ARFGEF2: variants seen among roughly 807,000 people sequenced by gnomAD.
The protein encoded by ARFGEF2 is ARF guanine nucleotide exchange factor 2, also known as brefeldin A-inhibited guanine nucleotide-exchange protein 2.
A neutral mutation model predicts 219.9 loss-of-function variants in ARFGEF2; 74 were observed. The observed-to-expected ratio is 0.34, with a 90% CI of 0.28 to 0.41. The LOEUF (loss-of-function observed/expected upper bound fraction) is 0.41, where lower values mean the gene tolerates loss of function less well. Ranked by LOEUF, ARFGEF2 falls within the 10% of genes least tolerant of loss-of-function variation. The pLI, the probability that ARFGEF2 is intolerant of heterozygous loss-of-function variation, is 1.00. For missense variants in ARFGEF2, 1,743 were observed against 2,218.3 expected, an observed-to-expected ratio of 0.79 and a Z score of 4.30; for synonymous variants, 733 against 799.2, an observed-to-expected ratio of 0.92 and a Z score of 1.40.
chr20:49,029,902 A>ATTTT (rs3092436), intron 37 of ARFGEF2, among the ~76,000 whole-genome samples: 1 of 97,788 alleles, frequency 1.0e-5, no homozygotes, highest in Non-Finnish European at 2.0e-5. Context: ...CTAAAAGTGA[A>ATTTT]TTTTTTTTTT....
chr20:48,927,041 G>A (rs1238209988), intron 1 of ARFGEF2, among the ~76,000 whole-genome samples: 4 of 152,216 alleles, frequency 2.6e-5, no homozygotes, highest in Admixed American at 2.0e-4. Flanking sequence ...CGTGGGAGGT[G>A]AGGAAACAGA....
chr20:49,005,319 T>G, intron 26 of ARFGEF2, 98 bp downstream of exon 26: 1 of 1,439,314 alleles, frequency 6.9e-7, no homozygotes, highest in South Asian at 1.2e-5. Context: ...TTTTCCTCCC[T>G]TGTCAGTGGA....
intron 23 of ARFGEF2, among the ~76,000 whole-genome samples, chr20:48,997,393 C>T (rs1359501033): frequency 3.3e-5 from 5 of 152,138 alleles, no homozygotes; most frequent in East Asian, 1.9e-4. Flanking sequence ...CTGCCTCAGC[C>T]GCCCAAGTAG....
chr20:48,922,627 A>T (rs549716361), intron 1 of ARFGEF2, among the ~76,000 whole-genome samples: 21 of 152,340 alleles, frequency 1.4e-4, no homozygotes, highest in Non-Finnish European at 2.5e-4. Flanking sequence ...TGACTTATTC[A>T]TTGCTGTATC....
At chr20:49,008,776 C>T (rs538228171) in intron 26 of ARFGEF2, among the ~76,000 whole-genome samples, 68 of 141,524 alleles carry the variant, frequency 4.8e-4, no homozygotes, top group African/African-American at 1.7e-3. Flanking sequence ...GGTGCAATCT[C>T]GGCTCACTAC....
intron 1 of ARFGEF2, among the ~76,000 whole-genome samples, chr20:48,929,229 C>T (rs559878082): frequency 1.3e-5 from 2 of 152,152 alleles, no homozygotes; most frequent in Non-Finnish European, 2.9e-5. Context: ...TGTTTAGTGC[C>T]TTGGGTGTAA....
chr20:49,023,296 T>G, intron 35 of ARFGEF2, 115 bp downstream of exon 35: 2 of 1,384,948 alleles, frequency 1.4e-6, no homozygotes, highest in Non-Finnish European at 2.0e-6. Flanking sequence ...TGCTCATCTC[T>G]TTCCAACCTC....
At chr20:48,938,860 T>TGTC (rs1206047262) in intron 1 of ARFGEF2, among the ~76,000 whole-genome samples, 1 of 152,162 alleles carries the variant, frequency 6.6e-6, no homozygotes. Flanking sequence ...GAGGGGGTCC[T>TGTC]GTCATTCTTT....
chr20:48,930,410 G>A (rs1287895484), intron 1 of ARFGEF2, among the ~76,000 whole-genome samples: 1 of 152,220 alleles, frequency 6.6e-6, no homozygotes, highest in Admixed American at 6.5e-5. Context: ...GATATTGGTG[G>A]CCTGGACTAG....
intron 6 of ARFGEF2, among the ~76,000 whole-genome samples, chr20:48,962,191 TAAA>T (rs1164153427): frequency 6.6e-6 from 1 of 152,036 alleles, no homozygotes; most frequent in Non-Finnish European, 1.5e-5. Context: ...AAATAATAAA[TAAA>T]AAATAAATAA....
At chr20:49,027,115 T>C (rs968927941) in intron 36 of ARFGEF2, among the ~76,000 whole-genome samples, 2 of 151,938 alleles carry the variant, frequency 1.3e-5, no homozygotes, top group African/African-American at 4.8e-5. Context: ...AGATGGAGTC[T>C]CACTCTGTTG....
At position 48,941,881 on chromosome 20, in the gene ARFGEF2, C is replaced by T; in HGVS notation, c.170C>T (p.Pro57Leu). 6.2e-7 allele frequency: 1 copy of T among 1,614,228 alleles called. No homozygotes were observed. The change falls in exon 3 of 39, where the codon CCA becomes CTA. Residue 57 changes from proline to leucine, a missense_variant. Physicochemically the swap from Pro to Leu is moderately conservative, Grantham distance 98. This residue lies in a region of ARFGEF2 where 394 missense variants were observed against 426.6 expected (regional missense o/e 0.92). Coordinates refer to ENST00000371917, the MANE Select transcript of ARFGEF2 (RefSeq NM_006420.3). ...TCTCCTAGGCTTGGCACTGCTGCACCACCAAAGGCAAACTTCATTGAAGCT... is the reference window on the plus strand; with the variant it reads ...TCTCCTAGGCTTGGCACTGCTGCACTACCAAAGGCAAACTTCATTGAAGCT... The part of the protein sequence containing the change: ...IEKQRLGTAA[P>L]PKANFIEADK...
chr20:48,988,073 C>G lies in ARFGEF2; in HGVS notation c.2277-231C>G, dbSNP rs934508330. On this transcript the variant is annotated intron_variant, in intron 16 of 38. Coordinates refer to ENST00000371917, the MANE Select transcript of ARFGEF2 (RefSeq NM_006420.3). The stretch of plus-strand genomic sequence containing the variant: ...AAAGTGCTGGGATTACAGGCCTGAG[C>G]CACCACGCCCTGCCAAAGAAGCTAA... 2.2e-4 allele frequency among the ~76,000 whole-genome samples: 34 copies of G among 152,178 alleles called. 1 individual carries two copies. The highest frequency in any genetic ancestry group is 7.5e-4 in the African/African-American group (31 of 41,440).
At chr20:48,975,957 TCGG>T in intron 13 of ARFGEF2, 56 bp from the exon 14 acceptor site, 1 of 1,568,270 alleles carries the variant, frequency 6.4e-7, no homozygotes, top group Non-Finnish European at 8.8e-7. Flanking sequence ...CAGACCTAGC[TCGG>T]CTGTGTCTGT....
At chr20:48,974,623 A>G (rs1042559208) in intron 12 of ARFGEF2, 143 bp from the exon 13 acceptor site, 2 of 688,094 alleles carry the variant, frequency 2.9e-6, no homozygotes, top group Non-Finnish European at 2.6e-6. Context: ...GTCACTTCTT[A>G]GCTCTGGGTT....
intron 1 of ARFGEF2, among the ~76,000 whole-genome samples, chr20:48,933,891 G>A (rs1458846599): frequency 6.6e-6 from 1 of 152,054 alleles, no homozygotes; most frequent in African/African-American, 2.4e-5. Flanking sequence ...AGGCTGAGGC[G>A]GGTGTGTCAC....
At position 48,994,509 on chromosome 20, in the gene ARFGEF2, C is replaced by T. The variant is rs138319848; in HGVS notation, c.3032C>T (p.Thr1011Met). Residue 1011 changes from threonine to methionine, a missense_variant, in exon 22 of 39, where the codon ACG becomes ATG. By Grantham distance (81) the Thr-to-Met change is moderately conservative (BLOSUM62 -1). Transcript: ENST00000371917. ...LAQLIGTGVKTRYLSGSGRER... is the reference protein window; with the variant it reads ...LAQLIGTGVKMRYLSGSGRER... ...CAGCTGATAGGAACCGGTGTGAAGA[C>T]GCGCTACCTGTCTGGATCTGGGCGT... is the stretch of plus-strand genomic sequence containing the variant. 35 of 1,614,072 alleles carry T rather than the reference C, an allele frequency of 2.2e-5. No homozygotes were observed. The highest frequency in any genetic ancestry group is 4.5e-5 in the East Asian group (2 of 44,874).
chr20:48,951,360 CT>C lies in ARFGEF2; in HGVS notation c.315del (p.Asp106ThrfsTer9). ...IAYGHITGNA[P>X]DSGAPGKRLI... ...TACGGGCACATCACTGGCAACGCCC[CT>C]GACAGTGGAGCCCCTGGGAAGCGGC... On this transcript the variant is annotated frameshift_variant, in exon 4 of 39. Transcript: ENST00000371917. LOFTEE classifies it high-confidence loss of function. 2 of 1,614,180 alleles carry C rather than the reference CT, an allele frequency of 1.2e-6. No individual in the cohort carries two copies. The highest frequency in any genetic ancestry group is 2.2e-5 in the East Asian group (1 of 44,888).
rs559997757 is a variant in ARFGEF2, at chr20:48,983,643, G to C, written c.1959-1086G>C. Reference sequence around the variant, plus strand: ...TCACACAATGTATTTTCAGTCCCTTGAACACCTTCAGCTCTTTTTACCATG... The same window carrying C: ...TCACACAATGTATTTTCAGTCCCTTCAACACCTTCAGCTCTTTTTACCATG... On this transcript the variant is annotated intron_variant, in intron 14 of 38. Transcript: ENST00000371917. Among the ~76,000 whole-genome samples, 44 of 152,208 alleles carry C rather than the reference G, an allele frequency of 2.9e-4. No homozygotes were observed. In the South Asian group the frequency reaches 8.1e-3, roughly 28 times the overall value.
Sources: gnomAD v4.1 joint callset for allele counts (sites outside exome capture counted in the v4.1 genomes callset) on GRCh38, gnomAD v4.1.1 for gene constraint, gnomAD v4.1.1 regional missense constraint, MANE v1.5 for transcripts, NCBI Gene and HGNC (gene_info 2026-07-23, HGNC 2026-07-21) for gene names.